The following XKR4 variants were observed in gnomAD, a reference collection of about 807,000 sequenced individuals.
The protein encoded by XKR4 is XK-related protein 4.
A neutral mutation model predicts 53.9 loss-of-function variants in XKR4; 12 were observed. The observed-to-expected ratio is 0.22, with a 90% confidence interval of 0.14 to 0.36. XKR4 has a LOEUF of 0.36. Among genes scored for constraint, XKR4 ranks in the 10% least tolerant of loss-of-function variants. XKR4 has a pLI of 1.00. For missense variants in XKR4, 799 were observed against 859.5 expected (o/e 0.93, Z 0.88); for synonymous variants, 354 against 362.4 (o/e 0.98, Z 0.26).
At chr8:55,447,023 G>T (rs1019805965) in intron 2 of XKR4, among the ~76,000 whole-genome samples, 1 of 145,986 alleles carries the variant, frequency 6.8e-6, no homozygotes, top group African/African-American at 2.5e-5. Context: ...CCCGATTTTT[G>T]TTTGAAATGA....
rs145951963 is a variant in XKR4 at position 55,278,523 on chromosome 8, T to G, written c.807-79155T>G. On this transcript the variant is annotated intron_variant, in intron 1 of 2. Coordinates refer to ENST00000327381, the MANE Select transcript of XKR4 (RefSeq NM_052898.2). ...TGTCGTTGTAATTTTTAAATTGTTTTTTACTAATTTCAGTTTATAAAAACT... is the reference window on the plus strand; with the variant it reads ...TGTCGTTGTAATTTTTAAATTGTTTGTTACTAATTTCAGTTTATAAAAACT... Among the ~76,000 whole-genome samples the G allele has an allele frequency of 2.1e-3, 326 of 152,286 alleles. 1 individual carries two copies. The highest frequency in any genetic ancestry group is 7.5e-3 in the African/African-American group (311 of 41,556).
At chr8:55,494,858 C>A (rs886981598) in intron 2 of XKR4, among the ~76,000 whole-genome samples, 1 of 152,148 alleles carries the variant, frequency 6.6e-6, no homozygotes, top group Non-Finnish European at 1.5e-5. Context: ...ACTACAAGTT[C>A]CCCCTCTGGT....
chr8:55,358,391 G>T (rs554079137), intron 2 of XKR4, among the ~76,000 whole-genome samples: 1 of 146,406 alleles, frequency 6.8e-6, no homozygotes, highest in Non-Finnish European at 1.5e-5. Flanking sequence ...TTTAAAGAAA[G>T]AAGGTCATAA....
intron 1 of XKR4, among the ~76,000 whole-genome samples, chr8:55,193,812 C>T (rs1357786688): frequency 1.3e-5 from 2 of 152,234 alleles, no homozygotes; most frequent in African/African-American, 4.8e-5. Flanking sequence ...GTGCCTCCAC[C>T]AGTGTTTGGG....
intron 2 of XKR4, among the ~76,000 whole-genome samples, chr8:55,446,860 A>C (rs1805354939): frequency 6.6e-6 from 1 of 152,216 alleles, no homozygotes; most frequent in African/African-American, 2.4e-5. Flanking sequence ...TGCAGAGTGG[A>C]AGATAGTCTT....
At chr8:55,375,348 G>A (rs1275382644) in intron 2 of XKR4, among the ~76,000 whole-genome samples, 2 of 152,136 alleles carry the variant, frequency 1.3e-5, no homozygotes, top group East Asian at 1.9e-4. Flanking sequence ...GGGGAAGAGC[G>A]CCCTCAGCCT....
At chr8:55,221,017 A>G (rs779591293) in intron 1 of XKR4, among the ~76,000 whole-genome samples, 2 of 152,202 alleles carry the variant, frequency 1.3e-5, no homozygotes, top group Non-Finnish European at 2.9e-5. Flanking sequence ...CTTTCAAGAG[A>G]TACTTATTGT....
At chr8:55,321,500 C>A (rs950414425) in intron 1 of XKR4, among the ~76,000 whole-genome samples, 5 of 152,202 alleles carry the variant, frequency 3.3e-5, no homozygotes, top group Non-Finnish European at 7.3e-5. Context: ...GCACCTGAGA[C>A]TATAGACCCT....
chr8:55,343,848 T>A (rs1315167567), intron 1 of XKR4, among the ~76,000 whole-genome samples: 1 of 152,214 alleles, frequency 6.6e-6, no homozygotes, highest in African/African-American at 2.4e-5. Context: ...GATGAATGAA[T>A]GAATAAATAA....
intron 1 of XKR4, among the ~76,000 whole-genome samples, chr8:55,270,921 G>A (rs1396162592): frequency 3.9e-5 from 6 of 152,154 alleles, no homozygotes; most frequent in African/African-American, 7.2e-5. Flanking sequence ...CAGGGCTCTG[G>A]TTAAGAGTGA....
intron 1 of XKR4, chr8:55,164,592 C>T (rs1182545390): frequency 8.6e-6 from 3 of 350,284 alleles, no homozygotes; most frequent in Non-Finnish European, 1.7e-5. Context: ...TGGGCCTAGC[C>T]CTGAGATGGC....
At chr8:55,164,609 G>A in intron 1 of XKR4, 1 of 333,666 alleles carries the variant, frequency 3.0e-6, no homozygotes, top group Non-Finnish European at 6.0e-6. Flanking sequence ...TGGCTGGACA[G>A]CAAGAAAGGA....
In XKR4 at chr8:55,528,726, T is replaced by A. The variant is rs1203683379; in HGVS notation, c.*4499T>A. The stretch of plus-strand genomic sequence containing the variant: ...TCATTCCTATAATTTCAGTGACAGA[T>A]GCAGATCAACGTTCCTTTGTCTCGG... On this transcript the variant is annotated 3_prime_UTR_variant, in exon 3 of 3. Transcript: ENST00000327381. The A allele has an allele frequency of 6.6e-6, 1 of 152,164 alleles. No homozygotes were observed. Among genetic ancestry groups the A allele is most frequent in the African/African-American group, 2.4e-5 (1 of 41,436 alleles). 9.4% of individuals were successfully genotyped at this position (152,164 alleles called of 1,614,324 possible).
intron 2 of XKR4, chr8:55,449,554 G>A (rs1585578838): frequency 1.3e-6 from 2 of 1,487,466 alleles, no homozygotes; most frequent in East Asian, 4.6e-5. Context: ...CCCACTGCTG[G>A]GCTGAGGGCA....
chr8:55,198,282 T>C (rs985066147), intron 1 of XKR4, among the ~76,000 whole-genome samples: 2 of 152,192 alleles, frequency 1.3e-5, no homozygotes, highest in Non-Finnish European at 2.9e-5. Context: ...TGACATCTAC[T>C]CAACCTGGGT....
At chr8:55,376,569 G>A (rs1051191847) in intron 2 of XKR4, among the ~76,000 whole-genome samples, 12 of 151,894 alleles carry the variant, frequency 7.9e-5, no homozygotes, top group Admixed American at 3.9e-4. Flanking sequence ...TTTTTAATGG[G>A]GTTGTTTGTT....
At chr8:55,220,932 C>T (rs893214679) in intron 1 of XKR4, among the ~76,000 whole-genome samples, 1 of 152,192 alleles carries the variant, frequency 6.6e-6, no homozygotes, top group Non-Finnish European at 1.5e-5. Flanking sequence ...GCTCCACGTT[C>T]GTGGTAGATA....
At position 55,534,803 on chromosome 8, in the gene XKR4, A is replaced by G. The variant is rs1255638258; in HGVS notation, c.*10576A>G. On this transcript the variant is annotated 3_prime_UTR_variant, in exon 3 of 3. Transcript: ENST00000327381. ...TTCAAAGAAAGATTTGAGCTACGAG[A>G]TAAGAATGAAGTTACCAGAAGTTAT... 1 of 149,468 alleles carries G rather than the reference A, an allele frequency of 6.7e-6. No individual in the cohort carries two copies. Among genetic ancestry groups the G allele is most frequent in the Non-Finnish European group, 1.5e-5 (1 of 67,562 alleles). The allele number at this position is 149,468 out of a possible 1,614,324, so 9.3% of individuals were successfully genotyped here. A position where few individuals can be genotyped will look rare whatever the true frequency, so the allele number is the denominator to read the frequency against.
intron 2 of XKR4, among the ~76,000 whole-genome samples, chr8:55,432,435 T>C: frequency 6.6e-6 from 1 of 152,220 alleles, no homozygotes; most frequent in Admixed American, 6.5e-5. Context: ...TTAGTGCCCC[T>C]GTGCTGCAGT....
Sources: allele counts gnomAD v4.1 joint callset (sites outside exome capture counted in the v4.1 genomes callset), GRCh38; gene constraint gnomAD v4.1.1; transcripts MANE v1.5; gene names NCBI Gene and HGNC (gene_info 2026-07-23, HGNC 2026-07-21).